ANKRD2: variants seen among roughly 807,000 people sequenced by gnomAD.
ANKRD2 encodes ankyrin repeat domain-containing protein 2.
In ANKRD2, 35 loss-of-function variants were observed where a neutral mutation model predicts 37.3. The ratio of observed to expected loss-of-function variants is 0.94; its 90% CI spans 0.72 to 1.24. The LOEUF (loss-of-function observed/expected upper bound fraction) is 1.24, where lower values mean the gene tolerates loss of function less well. Among genes scored for constraint, ANKRD2 ranks in the 50% most tolerant of loss-of-function variants. ANKRD2 has a pLI of 0.00. For missense variants in ANKRD2, 410 were observed against 445.6 expected (o/e 0.92, Z 0.72); for synonymous variants, 159 against 186.5 (o/e 0.85, Z 1.20).
rs776638651 is a variant in ANKRD2, at chr10:97,578,367, C to A, written c.317C>A (p.Ser106Ter). Reference sequence around the variant, plus strand: ...AAGAAGCGGGACGCTCTGGCCGCCTCGCATGAGCCGCCCCCAGAGCCCGAG... The same window carrying A: ...AAGAAGCGGGACGCTCTGGCCGCCTAGCATGAGCCGCCCCCAGAGCCCGAG... ...KQKKRDALAASHEPPPEPEEI... is the reference protein window; with the variant it reads ...KQKKRDALAA Residue 106 changes from serine (S) to a stop codon, truncating the protein, a stop_gained, in exon 3 of 9, where the codon TCG becomes TAG. Transcript: ENST00000370655. LOFTEE classifies it high-confidence loss of function. 11 of 1,613,662 alleles carry A rather than the reference C, an allele frequency of 6.8e-6. No individual in the cohort carries two copies. The African/African-American group carries it at 1.3e-4, about 20-fold the overall frequency.
chr10:97,581,450 G>T, intron 6 of ANKRD2, 36 bp downstream of exon 6: 1 of 1,604,504 alleles, frequency 6.2e-7, no homozygotes, highest in Non-Finnish European at 8.5e-7. Context: ...CAGATATTGG[G>T]GTGGCTGTGG....
At chr10:97,578,007 C>G (rs1214158195) in intron 2 of ANKRD2, 106 bp downstream of exon 2, 2 of 1,180,782 alleles carry the variant, frequency 1.7e-6, no homozygotes, top group Non-Finnish European at 2.3e-6. Flanking sequence ...TTCAGCACCC[C>G]CGGTAGAGCT....
At chr10:97,573,422 G>A (rs970394525) in intron 1 of ANKRD2, among the ~76,000 whole-genome samples, 1 of 151,950 alleles carries the variant, frequency 6.6e-6, no homozygotes, top group East Asian at 1.9e-4. Context: ...GTGCTGGCTT[G>A]TCCTATTCTG....
At chr10:97,578,913 T>G (rs953992828) in intron 4 of ANKRD2, among the ~76,000 whole-genome samples, 1 of 152,162 alleles carries the variant, frequency 6.6e-6, no homozygotes, top group Non-Finnish European at 1.5e-5. Flanking sequence ...AAATCCCATC[T>G]CTCTCACTCA....
chr10:97,573,195 G>T (rs2040782598), intron 1 of ANKRD2, among the ~76,000 whole-genome samples: 1 of 152,168 alleles, frequency 6.6e-6, no homozygotes, highest in Admixed American at 6.5e-5. Context: ...GGACTTTCAG[G>T]AATGTGTGGC....
intron 4 of ANKRD2, 56 bp downstream of exon 4, chr10:97,578,661 G>A: frequency 7.3e-7 from 1 of 1,361,550 alleles, no homozygotes; most frequent in Non-Finnish European, 1.0e-6. Flanking sequence ...CCCCCACTCC[G>A]TTCGGCTCCT....
At chr10:97,577,954 T>A in intron 2 of ANKRD2, 53 bp downstream of exon 2, 11 of 1,491,380 alleles carry the variant, frequency 7.4e-6, no homozygotes, top group Non-Finnish European at 9.9e-6. Flanking sequence ...CAGGTAGCCA[T>A]GGCCTGTCTG....
At chr10:97,577,778 G>T in intron 1 of ANKRD2, 22 bp from the exon 2 acceptor site, 2 of 1,539,908 alleles carry the variant, frequency 1.3e-6, no homozygotes, top group South Asian at 1.2e-5. Flanking sequence ...TCCTGGAGAA[G>T]GTGCCCTCTT....
rs748387848 is a variant in ANKRD2, at chr10:97,577,871, G to T, written c.159G>T (p.Gly53=). 5.7e-6 allele frequency: 9 copies of T among 1,570,254 alleles called. No individual in the cohort carries two copies. Among genetic ancestry groups the T allele is most frequent in the Non-Finnish European group, 7.8e-6 (9 of 1,157,928 alleles). Residue 53 remains glycine (G), a synonymous_variant, in exon 2 of 9, where the codon GGG becomes GGT. Coordinates refer to ENST00000370655, the MANE Select transcript of ANKRD2 (RefSeq NM_001346793.2). ...TGCTGGAGGATGAGAAGCACCACGGGGCTCAGAGTGCAGCCCTGCAGAAGG... is the reference window on the plus strand; with the variant it reads ...TGCTGGAGGATGAGAAGCACCACGGTGCTCAGAGTGCAGCCCTGCAGAAGG... ...LLVLEDEKHH[G]AQSAALQKVK...
At chr10:97,579,324 T>G (rs1200934750) in intron 4 of ANKRD2, among the ~76,000 whole-genome samples, 2 of 149,172 alleles carry the variant, frequency 1.3e-5, no homozygotes, top group African/African-American at 2.5e-5. Flanking sequence ...TTTTTTTTTT[T>G]GAGACAGAGT....
intron 8 of ANKRD2, 78 bp downstream of exon 8, chr10:97,582,780 AGCCCCCGCCTAG>A: frequency 7.5e-7 from 1 of 1,336,954 alleles, no homozygotes; most frequent in Non-Finnish European, 1.1e-6. Context: ...TCCCTGGAGC[AGCCCCCGCCTAG>A]GGACATGTAT....
At chr10:97,578,111 C>T in intron 2 of ANKRD2, 129 bp from the exon 3 acceptor site, 2 of 1,250,456 alleles carry the variant, frequency 1.6e-6, no homozygotes, top group Non-Finnish European at 2.2e-6. Flanking sequence ...GAGGGATAGA[C>T]CTTGGTTCCT....
In ANKRD2 at chr10:97,578,251, C is replaced by A. The variant is rs199935455; in HGVS notation, c.201C>A (p.Arg67=). The A allele has an allele frequency of 6.2e-7, 1 of 1,612,430 alleles. No individual in the cohort carries two copies. The highest frequency in any genetic ancestry group is 2.2e-5 in the East Asian group (1 of 44,808). The change falls in exon 3 of 9, where the codon CGC becomes CGA. Residue 67 remains arginine (R), a synonymous_variant. Transcript: ENST00000370655. ...AALQKVKGQE[R]VRKTSLDLRR... ...GCCATCCCGCGCAGGGCCAAGAGCG[C>A]GTGCGCAAGACGTCCCTGGACCTGC...
intron 1 of ANKRD2, among the ~76,000 whole-genome samples, chr10:97,575,443 C>T (rs1182585503): frequency 6.6e-6 from 1 of 152,204 alleles, no homozygotes; most frequent in Non-Finnish European, 1.5e-5. Flanking sequence ...AGTCACTAAG[C>T]ACCTACTATG....
rs375926537 is a variant in ANKRD2 at position 97,582,281 on chromosome 10, C to G, written c.655-34C>G. The G allele has an allele frequency of 2.2e-5, 33 of 1,533,994 alleles. No homozygotes were observed. The East Asian group carries it at 7.6e-4, about 35-fold the overall frequency. On this transcript the variant is annotated intron_variant, in intron 6 of 8. Coordinates refer to ENST00000370655, the MANE Select transcript of ANKRD2 (RefSeq NM_001346793.2). ...CCCAGGGGTACCACAGTTCAGGCCC[C>G]GTCAACTAGCAGTTCCTGATTCCTC...
At chr10:97,574,738 A>G (rs1244249562) in intron 1 of ANKRD2, among the ~76,000 whole-genome samples, 10 of 152,192 alleles carry the variant, frequency 6.6e-5, no homozygotes, top group Non-Finnish European at 1.5e-4. Flanking sequence ...CCAAGGGAAG[A>G]AGGGATGAGG....
intron 1 of ANKRD2, among the ~76,000 whole-genome samples, chr10:97,575,897 T>G (rs1485030636): frequency 1.5e-5 from 2 of 133,366 alleles, no homozygotes; most frequent in African/African-American, 2.8e-5. Flanking sequence ...GGTGACAGAG[T>G]GGGACTCGGT....
chr10:97,580,806 C>T (rs761380995), intron 4 of ANKRD2, 49 bp from the exon 5 acceptor site: 4 of 1,457,438 alleles, frequency 2.7e-6, no homozygotes, highest in Non-Finnish European at 3.8e-6. Context: ...GGGAGATGGG[C>T]TCAGGCCTGG....
chr10:97,582,511 T>C, intron 7 of ANKRD2, 93 bp from the exon 8 acceptor site: 1 of 1,560,846 alleles, frequency 6.4e-7, no homozygotes, highest in Non-Finnish European at 8.8e-7. Flanking sequence ...CTTCAGGACT[T>C]GGCTCCTGAG....
Sources: allele counts gnomAD v4.1 joint callset (sites outside exome capture counted in the v4.1 genomes callset), GRCh38; gene constraint gnomAD v4.1.1; transcripts MANE v1.5; gene names NCBI Gene and HGNC (gene_info 2026-07-23, HGNC 2026-07-21).